SLC16A14: variants seen among roughly 807,000 people sequenced by gnomAD.
The protein encoded by SLC16A14 is solute carrier family 16 member 14.
A neutral mutation model predicts 35.8 loss-of-function variants in SLC16A14; 14 were observed. The ratio of observed to expected loss-of-function variants is 0.39; its 90% confidence interval spans 0.26 to 0.61. The LOEUF (loss-of-function observed/expected upper bound fraction) is 0.61. Among genes scored for constraint, SLC16A14 ranks in the 20% least tolerant of loss-of-function variants. SLC16A14 has a pLI of 0.51. For synonymous variants in SLC16A14, 248 were observed against 258.9 expected (o/e 0.96, Z 0.40); for missense variants, 533 against 655.0 (o/e 0.81, Z 2.03).
At chr2:230,049,252 G>A (rs990983094) in intron 3 of SLC16A14, among the ~76,000 whole-genome samples, 35 of 75,510 alleles carry the variant, frequency 4.6e-4, no homozygotes, top group African/African-American at 1.4e-3. Flanking sequence ...TTTTTTTTTT[G>A]TATTTTCAGT....
In SLC16A14 at chr2:230,035,182, G is replaced by C. The variant is rs187205640; in HGVS notation, c.*2198C>G. ...TTACTCTGTTGTCAACATGAATACT[G>C]CAAGCAGGTCTTTATTTTTTTTGAC... On this transcript the variant is annotated 3_prime_UTR_variant, in exon 5 of 5. Coordinates refer to ENST00000295190, the MANE Select transcript of SLC16A14 (RefSeq NM_152527.5). The C allele has an allele frequency of 6.6e-6, 1 of 152,270 alleles. No individual in the cohort carries two copies. Among genetic ancestry groups the C allele is most frequent in the Admixed American group, 6.5e-5 (1 of 15,276 alleles). 9.4% of individuals were successfully genotyped at this position (152,270 alleles called of 1,614,324 possible). A position where few individuals can be genotyped will look rare whatever the true frequency, so the allele number is the denominator to read the frequency against.
intron 4 of SLC16A14, among the ~76,000 whole-genome samples, chr2:230,037,871 G>A (rs781646418): frequency 6.6e-6 from 1 of 152,140 alleles, no homozygotes; most frequent in Non-Finnish European, 1.5e-5. Context: ...TCAAAGGCCC[G>A]CACAAGGCCA....
Position 230,059,313 on chromosome 2 carries a change from C to T in SLC16A14, c.40G>A (p.Asp14Asn). ...AGTGTCTTTTTGTCTTTGGGGCCATCTTCAAAATCATACCCAATATCTTCA... is the reference window on the plus strand; with the variant it reads ...AGTGTCTTTTTGTCTTTGGGGCCATTTTCAAAATCATACCCAATATCTTCA... ...SHEDIGYDFE[D>N]GPKDKKTLKP... Residue 14 changes from aspartate (D) to asparagine (N), a missense_variant, in exon 2 of 5, where the codon GAT becomes AAT. By Grantham distance (23) the Asp-to-Asn change is conservative. Transcript: ENST00000295190. 3 of 1,610,396 alleles carry T rather than the reference C, an allele frequency of 1.9e-6. No homozygotes were observed. The South Asian group carries it at 3.3e-5, about 18-fold the overall frequency.
At chr2:230,058,577 A>G (rs115265723) in intron 2 of SLC16A14, among the ~76,000 whole-genome samples, 3,074 of 152,214 alleles carry the variant, frequency 0.02, 52 homozygotes, top group Middle Eastern at 0.068. Flanking sequence ...GATGGTGGTG[A>G]TGGTTGTGAA....
intron 2 of SLC16A14, among the ~76,000 whole-genome samples, chr2:230,054,047 A>T (rs112059488): frequency 6.9e-6 from 1 of 145,206 alleles, no homozygotes; most frequent in East Asian, 2.1e-4. Flanking sequence ...TTAAAAAAAA[A>T]TCCTGATACT....
intron 2 of SLC16A14, among the ~76,000 whole-genome samples, chr2:230,051,505 A>T (rs1051273694): frequency 2.6e-5 from 4 of 152,020 alleles, no homozygotes; most frequent in African/African-American, 9.7e-5. Context: ...TCTCCTCCTG[A>T]TTTTGTAGTA....
At chr2:230,061,802 CGT>C (rs2077754136) in intron 1 of SLC16A14, among the ~76,000 whole-genome samples, 3 of 147,932 alleles carry the variant, frequency 2.0e-5, no homozygotes, top group Admixed American at 6.8e-5. Flanking sequence ...AGGGCAGTGG[CGT>C]AATTTTGACT....
Position 230,059,327 on chromosome 2 carries a change from C to T in SLC16A14, c.26G>A (p.Gly9Glu). ...TTTGGGGCCATCTTCAAAATCATACCCAATATCTTCATGACTGGTATACAT... is the reference window on the plus strand; with the variant it reads ...TTTGGGGCCATCTTCAAAATCATACTCAATATCTTCATGACTGGTATACAT... MYTSHEDIGYDFEDGPKDK... is the reference protein window; with the variant it reads MYTSHEDIEYDFEDGPKDK... The change falls in exon 2 of 5, where the codon GGG (glycine) becomes GAG (glutamate). Residue 9 changes from glycine (G) to glutamate (E), a missense_variant. Coordinates refer to ENST00000295190, the MANE Select transcript of SLC16A14 (RefSeq NM_152527.5). 1 of 1,605,248 alleles carries T rather than the reference C, an allele frequency of 6.2e-7. No homozygotes were observed. The highest frequency in any genetic ancestry group is 8.5e-7 in the Non-Finnish European group (1 of 1,174,516).
chr2:230,057,393 G>A (rs2077714197), intron 2 of SLC16A14, among the ~76,000 whole-genome samples: 1 of 152,096 alleles, frequency 6.6e-6, no homozygotes, highest in Non-Finnish European at 1.5e-5. Context: ...GTGTGGTTAG[G>A]TTTAACTAGA....
At chr2:230,050,379 GC>G (rs1277283975) in intron 2 of SLC16A14, among the ~76,000 whole-genome samples, 5 of 152,212 alleles carry the variant, frequency 3.3e-5, no homozygotes, top group Non-Finnish European at 7.3e-5. Flanking sequence ...CTTCCAGTTT[GC>G]TGCAGTCTCT....
chr2:230,053,125 TAG>T (rs1031131920), intron 2 of SLC16A14, among the ~76,000 whole-genome samples: 3 of 152,080 alleles, frequency 2.0e-5, no homozygotes, highest in Non-Finnish European at 4.4e-5. Flanking sequence ...GTATTTTTAG[TAG>T]AGACAGGGTT....
At chr2:230,040,766 A>G (rs1577382164) in intron 4 of SLC16A14, among the ~76,000 whole-genome samples, 1 of 152,156 alleles carries the variant, frequency 6.6e-6, no homozygotes, top group Admixed American at 6.6e-5. Flanking sequence ...TTATTTATAA[A>G]TAACTCTGGA....
At chr2:230,061,589 T>C (rs1339655668) in intron 1 of SLC16A14, among the ~76,000 whole-genome samples, 3 of 152,198 alleles carry the variant, frequency 2.0e-5, no homozygotes, top group African/African-American at 7.2e-5. Flanking sequence ...AGATCTCAAG[T>C]CACTTCACTT....
Position 230,046,272 on chromosome 2 carries a change from G to C in SLC16A14, c.854C>G (p.Thr285Ser), listed in dbSNP as rs574295363. 1 of 1,614,232 alleles carries C rather than the reference G, an allele frequency of 6.2e-7. No individual in the cohort carries two copies. The highest frequency in any genetic ancestry group is 1.3e-5 in the African/African-American group (1 of 75,060). ...KNMCALRILK[T>S]VSWLTMRVRK... ...GACTCTCATGGTGAGCCAGCTGACA[G>C]TCTTCAGAATCCGGAGGGCACACAT... Residue 285 changes from threonine to serine, a missense_variant, in exon 4 of 5, where the codon ACT (threonine) becomes AGT (serine). By Grantham distance (58) the Thr-to-Ser change is moderately conservative. Coordinates refer to ENST00000295190, the MANE Select transcript of SLC16A14 (RefSeq NM_152527.5). This position sits in a 1 kb window ranked among gnomAD's most constrained non-coding sequence, Gnocchi z 5.0.
At position 230,037,352 on chromosome 2, in the gene SLC16A14, T is replaced by A. The variant is rs2077526391; in HGVS notation, c.*28A>T. The A allele has an allele frequency of 6.4e-7, 1 of 1,557,362 alleles. No individual in the cohort carries two copies. Among genetic ancestry groups the A allele is most frequent in the Admixed American group, 2.0e-5 (1 of 49,054 alleles). On this transcript the variant is annotated 3_prime_UTR_variant, in exon 5 of 5. Transcript: ENST00000295190. ...TGCGAGGTAGGCATGAGTATTACAA[T>A]GAAACCTACACGGAACATTACATGA...
Position 230,037,511 on chromosome 2 carries a change from G to T in SLC16A14, c.1402C>A (p.Gln468Lys), listed in dbSNP as rs1397946215. 2 of 1,609,850 alleles carry T rather than the reference G, an allele frequency of 1.2e-6. No homozygotes were observed. Among genetic ancestry groups the T allele is most frequent in the Non-Finnish European group, 1.7e-6 (2 of 1,178,846 alleles). Residue 468 changes from glutamine to lysine, a missense_variant, in exon 5 of 5, where the codon CAA (glutamine) becomes AAA (lysine). Physicochemically the swap from Gln to Lys is moderately conservative, Grantham distance 53. Coordinates refer to ENST00000295190, the MANE Select transcript of SLC16A14 (RefSeq NM_152527.5). The stretch of plus-strand genomic sequence containing the variant: ...ATGTAGAAGGAAAAATCATATTTTT[G>T]CGTGATGTCATAGATCCACCCTACA... ...PFAGWIYDIT[Q>K]KYDFSFYICG...
At chr2:230,066,784 G>T in intron 1 of SLC16A14, 3 of 330,000 alleles carry the variant, frequency 9.1e-6, no homozygotes, top group South Asian at 6.8e-5. Flanking sequence ...ACAGGTGTGT[G>T]CCACTGCATC....
rs2077524628 is a variant in SLC16A14, at chr2:230,037,083, T to G, written c.*297A>C. ...GCTGTATTTAAAACCCTAGTCCCAG[T>G]AGATGACAAGAGAATGGTTTTTATA... On this transcript the variant is annotated 3_prime_UTR_variant, in exon 5 of 5. Coordinates refer to ENST00000295190, the MANE Select transcript of SLC16A14 (RefSeq NM_152527.5). 1 of 192,514 alleles carries G rather than the reference T, an allele frequency of 5.2e-6. No individual in the cohort carries two copies. Among genetic ancestry groups the G allele is most frequent in the Non-Finnish European group, 1.1e-5 (1 of 94,594 alleles). The allele number at this position is 192,514 out of a possible 1,614,324, so 11.9% of individuals were successfully genotyped here. A position where few individuals can be genotyped will look rare whatever the true frequency, so the allele number is the denominator to read the frequency against.
chr2:230,046,378 CCTT>C lies in SLC16A14; in HGVS notation c.745_747del (p.Lys249del), dbSNP rs1444476875. 3 of 1,613,904 alleles carry C rather than the reference CCTT, an allele frequency of 1.9e-6. No homozygotes were observed. The highest frequency in any genetic ancestry group is 1.7e-6 in the Non-Finnish European group (2 of 1,179,940). ...GTCTCCTCGTTCCCGAGCCCACCAT[CCTT>C]CTCTTCTGTTCTTCCCTGCTGTCCA... On this transcript the variant is annotated inframe_deletion, in exon 4 of 5. Coordinates refer to ENST00000295190, the MANE Select transcript of SLC16A14 (RefSeq NM_152527.5). This position sits in a 1 kb window ranked among gnomAD's most constrained non-coding sequence, Gnocchi z 5.0.
Sources: allele counts gnomAD v4.1 joint callset (sites outside exome capture counted in the v4.1 genomes callset), GRCh38; gene constraint gnomAD v4.1.1; non-coding constraint Gnocchi (gnomAD v3.1); transcripts MANE v1.5; gene names NCBI Gene and HGNC (gene_info 2026-07-23, HGNC 2026-07-21).